The following SRPK2 variants were observed in gnomAD, a reference collection of about 807,000 sequenced individuals.
The protein encoded by SRPK2 is SRSF protein kinase 2.
Under a neutral mutation model 90.8 loss-of-function variants are expected in SRPK2, and 21 were observed. The ratio of observed to expected loss-of-function variants is 0.23; its 90% CI spans 0.16 to 0.33. The LOEUF is 0.33. Ranked by LOEUF, SRPK2 falls within the 10% of genes least tolerant of loss-of-function variation. The probability of loss-of-function intolerance (pLI) is 1.00; values close to 1 mark genes in which losing one functional copy is unlikely to be tolerated. For missense variants in SRPK2, 620 were observed against 869.0 expected (o/e 0.71, Z 3.60); for synonymous variants, 288 against 311.1 (o/e 0.93, Z 0.78).
At chr7:105,348,140 G>C (rs990723495) in intron 2 of SRPK2, among the ~76,000 whole-genome samples, 1 of 142,138 alleles carries the variant, frequency 7.0e-6, no homozygotes, top group African/African-American at 2.6e-5. Flanking sequence ...GCAATGGCGC[G>C]ATCTCACTGC....
chr7:105,234,967 A>C (rs1418833679), intron 2 of SRPK2, among the ~76,000 whole-genome samples: 1 of 152,242 alleles, frequency 6.6e-6, no homozygotes, highest in East Asian at 1.9e-4. Context: ...GAGGCCCAAC[A>C]CAAATTCACA....
chr7:105,312,103 A>G (rs1454498230), intron 2 of SRPK2, among the ~76,000 whole-genome samples: 1 of 152,246 alleles, frequency 6.6e-6, no homozygotes, highest in Non-Finnish European at 1.5e-5. Context: ...TAAAATGTAC[A>G]TGAACAAATA....
At chr7:105,167,598 C>CTTTATTTATTTA (rs540624870) in intron 5 of SRPK2, 134 bp from the exon 6 acceptor site, 1 of 496,496 alleles carries the variant, frequency 2.0e-6, no homozygotes. Context: ...AAAAAATAAA[C>CTTTATTTATTTA]TTTATTTATT....
At chr7:105,348,045 T>C (rs1006483070) in intron 2 of SRPK2, among the ~76,000 whole-genome samples, 1 of 149,618 alleles carries the variant, frequency 6.7e-6, no homozygotes, top group East Asian at 1.9e-4. Flanking sequence ...TTAATATTAA[T>C]GAGAATATGG....
intron 7 of SRPK2, among the ~76,000 whole-genome samples, chr7:105,157,697 T>A (rs2237610): frequency 0.84 from 127,207 of 152,172 alleles, 53,837 homozygotes; most frequent in Non-Finnish European, 0.88. Flanking sequence ...AATTTTCAGC[T>A]TGAATTTCTC....
intron 2 of SRPK2, among the ~76,000 whole-genome samples, chr7:105,293,848 T>C (rs1404005481): frequency 6.6e-6 from 1 of 152,206 alleles, no homozygotes; most frequent in Non-Finnish European, 1.5e-5. Context: ...GTCAATGCTT[T>C]TAGTATCTAC....
chr7:105,312,916 G>A (rs897045699), intron 2 of SRPK2, among the ~76,000 whole-genome samples: 1 of 152,114 alleles, frequency 6.6e-6, no homozygotes, highest in African/African-American at 2.4e-5. Context: ...GGGATGACAG[G>A]CATGAGATAC....
intron 2 of SRPK2, among the ~76,000 whole-genome samples, chr7:105,307,720 T>G (rs986870392): frequency 6.6e-6 from 1 of 151,910 alleles, no homozygotes; most frequent in African/African-American, 2.4e-5. Context: ...GTGGGTGGGG[T>G]TTTTTCCCCC....
intron 2 of SRPK2, among the ~76,000 whole-genome samples, chr7:105,250,243 G>C (rs1043756950): frequency 6.6e-6 from 1 of 152,104 alleles, no homozygotes; most frequent in Non-Finnish European, 1.5e-5. Context: ...GCTGAGGCAG[G>C]AGAATCACTT....
At position 105,160,566 on chromosome 7, in the gene SRPK2, T is replaced by G. The variant is rs1807463666; in HGVS notation, c.562A>C (p.Ile188Leu). ...AGGCCTTGATAGTTGGATTTGATGA[T>G]CCACTTGAGGAGATGGTGGCCAAGT... ...EVLGHHLLKW[I>L]IKSNYQGLPV... The change falls in exon 7 of 16, where the codon ATC becomes CTC. Residue 188 changes from isoleucine (I) to leucine (L), a missense_variant. By Grantham distance (5) the Ile-to-Leu change is conservative. Coordinates refer to ENST00000393651, the MANE Select transcript of SRPK2 (RefSeq NM_182692.3). The G allele has an allele frequency of 6.2e-7, 1 of 1,613,842 alleles. No individual in the cohort carries two copies. The highest frequency in any genetic ancestry group is 8.5e-7 in the Non-Finnish European group (1 of 1,179,860).
At chr7:105,267,677 A>T (rs554740809) in intron 2 of SRPK2, among the ~76,000 whole-genome samples, 1 of 152,344 alleles carries the variant, frequency 6.6e-6, no homozygotes, top group South Asian at 2.1e-4. Context: ...CTAATAAATC[A>T]ATTTAAAATG....
intron 2 of SRPK2, among the ~76,000 whole-genome samples, chr7:105,217,297 G>GT (rs1251015093): frequency 6.6e-6 from 1 of 152,140 alleles, no homozygotes; most frequent in Non-Finnish European, 1.5e-5. Flanking sequence ...GACAAAGGCA[G>GT]TATTTGGTGA....
intron 2 of SRPK2, among the ~76,000 whole-genome samples, chr7:105,357,947 A>G (rs796973661): frequency 1.4e-4 from 22 of 152,162 alleles, no homozygotes; most frequent in African/African-American, 5.3e-4. Flanking sequence ...CATACAGGCC[A>G]GGCACAGTGG....
intron 2 of SRPK2, among the ~76,000 whole-genome samples, chr7:105,261,059 T>C (rs1398693283): frequency 7.2e-6 from 1 of 137,984 alleles, no homozygotes; most frequent in African/African-American, 2.7e-5. Context: ...GGAGTGCAAA[T>C]GTGACCAAAA....
chr7:105,258,973 G>C (rs1434212288), intron 2 of SRPK2, among the ~76,000 whole-genome samples: 6 of 152,150 alleles, frequency 3.9e-5, no homozygotes, highest in Admixed American at 6.5e-5. Context: ...TTGAAAACTG[G>C]CACAAGACAG....
At chr7:105,170,885 AAGAAAGAAAGAAAGAAAGAAAG>A (rs1288911296) in intron 3 of SRPK2, among the ~76,000 whole-genome samples, 6 of 129,624 alleles carry the variant, frequency 4.6e-5, no homozygotes, top group South Asian at 2.6e-4. Flanking sequence ...GAAAGAAAGA[AAGAAAGAAAGAAAGAAAGAAAG>A]AAAGAAAGGA....
intron 3 of SRPK2, among the ~76,000 whole-genome samples, chr7:105,171,042 G>A (rs1791061364): frequency 6.8e-6 from 1 of 147,106 alleles, no homozygotes; most frequent in Admixed American, 6.8e-5. Context: ...AGGAAGGAAA[G>A]GCAGGCAAGG....
chr7:105,304,022 A>C (rs760157107), intron 2 of SRPK2, among the ~76,000 whole-genome samples: 1 of 152,256 alleles, frequency 6.6e-6, no homozygotes, highest in Non-Finnish European at 1.5e-5. Context: ...TGAAATTTGC[A>C]ATGGTATACT....
chr7:105,247,061 G>A (rs1235698991), intron 2 of SRPK2, among the ~76,000 whole-genome samples: 3 of 152,172 alleles, frequency 2.0e-5, no homozygotes, highest in Non-Finnish European at 4.4e-5. Flanking sequence ...GAGAAAACTT[G>A]AGGGCCCTGG....
Sources: allele counts gnomAD v4.1 joint callset (sites outside exome capture counted in the v4.1 genomes callset), GRCh38; gene constraint gnomAD v4.1.1; transcripts MANE v1.5; gene names NCBI Gene and HGNC (gene_info 2026-07-23, HGNC 2026-07-21).